Variants in DTNA observed in about 807,000 individuals in gnomAD.
DTNA encodes dystrobrevin alpha, also known as dystrophin-related protein 3.
In DTNA, 43 loss-of-function variants were observed where a neutral mutation model predicts 100.7. The ratio of observed to expected loss-of-function variants is 0.43; its 90% CI spans 0.33 to 0.55. The LOEUF is 0.55. Ranked by LOEUF, DTNA falls within the 20% of genes least tolerant of loss-of-function variation. DTNA has a pLI of 0.04. For synonymous variants in DTNA, 349 were observed against 347.9 expected (o/e 1.00, Z -0.04); for missense variants, 798 against 953.9 (o/e 0.84, Z 2.15).
chr18:34,743,522 A>G (rs1260735375), intron 1 of DTNA, among the ~76,000 whole-genome samples: 1 of 152,186 alleles, frequency 6.6e-6, no homozygotes, highest in Non-Finnish European at 1.5e-5. Flanking sequence ...TAAATTTAAT[A>G]TTTAGCTATG....
intron 1 of DTNA, chr18:34,557,889 G>T (rs1434112094): frequency 6.6e-6 from 1 of 152,586 alleles, no homozygotes; most frequent in Non-Finnish European, 1.5e-5. Flanking sequence ...AGCTGTGGTG[G>T]GCTCCACCCA....
intron 1 of DTNA, among the ~76,000 whole-genome samples, chr18:34,617,828 T>G (rs2055629134): frequency 6.6e-6 from 1 of 152,208 alleles, no homozygotes; most frequent in African/African-American, 2.4e-5. Context: ...AATGTAAACA[T>G]AACTTTTGTG....
At chr18:34,546,510 A>G (rs769048837) in intron 1 of DTNA, among the ~76,000 whole-genome samples, 1 of 152,124 alleles carries the variant, frequency 6.6e-6, no homozygotes, top group Non-Finnish European at 1.5e-5. Context: ...GACTGACTCT[A>G]TGCTAGTAAA....
chr18:34,728,895 A>T (rs2087391614), intron 1 of DTNA, among the ~76,000 whole-genome samples: 1 of 152,190 alleles, frequency 6.6e-6, no homozygotes, highest in South Asian at 2.1e-4. Flanking sequence ...CAAGTAAGTG[A>T]GAAAGCCTGG....
intron 1 of DTNA, among the ~76,000 whole-genome samples, chr18:34,613,266 A>G (rs1378347553): frequency 6.6e-6 from 1 of 152,012 alleles, no homozygotes; most frequent in African/African-American, 2.4e-5. Flanking sequence ...CCATTCCTCC[A>G]TTTCTCTCCC....
At chr18:34,805,310 A>G (rs2095332069) in intron 4 of DTNA, among the ~76,000 whole-genome samples, 1 of 152,170 alleles carries the variant, frequency 6.6e-6, no homozygotes, top group Non-Finnish European at 1.5e-5. Flanking sequence ...GGGTAGAAAG[A>G]AAGTGTTCAA....
chr18:34,505,002 T>C (rs969793123), intron 1 of DTNA, among the ~76,000 whole-genome samples: 3 of 152,200 alleles, frequency 2.0e-5, no homozygotes, highest in African/African-American at 7.2e-5. Context: ...TTGTATTGAT[T>C]TCCTATGGCT....
rs1438751893 is a variant in DTNA, at chr18:34,755,990, G to T, written c.14G>T (p.Ser5Ile). ...TTGTCTCATAGAATGATTGAAGATA[G>T]TGGGAAAAGAGGAAATACCATGGCA... MIED[S>I]GKRGNTMAER... is the part of the protein sequence containing the mutation. The change falls in exon 2 of 23, where the codon AGT becomes ATT. Residue 5 changes from serine to isoleucine, a missense_variant. By Grantham distance (142) the Ser-to-Ile change is moderately radical. Around this residue, in one of 6 missense-constraint regions of DTNA, gnomAD observed 197 missense variants for 215.4 expected, o/e 0.91. Transcript: ENST00000444659. 2 of 1,613,196 alleles carry T rather than the reference G, an allele frequency of 1.2e-6. No homozygotes were observed. The highest frequency in any genetic ancestry group is 2.2e-5 in the East Asian group (1 of 44,798).
At chr18:34,618,178 G>T (rs546605468) in intron 1 of DTNA, among the ~76,000 whole-genome samples, 1 of 151,990 alleles carries the variant, frequency 6.6e-6, no homozygotes, top group Admixed American at 6.6e-5. Context: ...GTCAAGAGTC[G>T]AACTCAATCC....
chr18:34,869,621 TTC>T (rs2096743507), intron 17 of DTNA, among the ~76,000 whole-genome samples: 1 of 152,234 alleles, frequency 6.6e-6, no homozygotes, highest in South Asian at 2.1e-4. Flanking sequence ...GTAACAGATG[TTC>T]TATATGAGTG....
chr18:34,683,739 T>C (rs983041034), intron 1 of DTNA: 2 of 152,200 alleles, frequency 1.3e-5, no homozygotes, highest in Non-Finnish European at 2.9e-5. Context: ...GAATAACTTA[T>C]GTTGCCAGTA....
At chr18:34,763,871 C>A (rs1321328879) in intron 2 of DTNA, among the ~76,000 whole-genome samples, 1 of 152,116 alleles carries the variant, frequency 6.6e-6, no homozygotes, top group Non-Finnish European at 1.5e-5. Context: ...TGGAGTTGAA[C>A]ATCTTTTACC....
intron 1 of DTNA, among the ~76,000 whole-genome samples, chr18:34,672,695 C>T (rs2076917398): frequency 6.6e-6 from 1 of 152,116 alleles, no homozygotes; most frequent in African/African-American, 2.4e-5. Context: ...AGTATTCATG[C>T]TGAATATGTA....
At chr18:34,594,517 A>G (rs1395141782) in intron 1 of DTNA, among the ~76,000 whole-genome samples, 2 of 152,202 alleles carry the variant, frequency 1.3e-5, no homozygotes, top group African/African-American at 4.8e-5. Flanking sequence ...GCACAGATGA[A>G]CAGTTGTTAA....
chr18:34,520,314 T>C (rs954073621), intron 1 of DTNA, among the ~76,000 whole-genome samples: 16 of 152,282 alleles, frequency 1.1e-4, no homozygotes, highest in African/African-American at 3.6e-4. Context: ...TCCTTGAAGA[T>C]TGAGTCACTT....
chr18:34,596,627 AAT>A, intron 1 of DTNA, among the ~76,000 whole-genome samples: 1 of 152,334 alleles, frequency 6.6e-6, no homozygotes. Flanking sequence ...TGTTACCAGA[AAT>A]GGAAATTCAT....
chr18:34,532,084 C>T (rs2043194158), intron 1 of DTNA, among the ~76,000 whole-genome samples: 1 of 152,064 alleles, frequency 6.6e-6, no homozygotes. Flanking sequence ...GTAAAAGCCC[C>T]TTTGGGAACT....
At chr18:34,657,618 G>A (rs1473988215) in intron 1 of DTNA, among the ~76,000 whole-genome samples, 1 of 151,914 alleles carries the variant, frequency 6.6e-6, no homozygotes, top group Non-Finnish European at 1.5e-5. Flanking sequence ...ACTTTAAATG[G>A]ATACACTAAA....
At position 34,875,096 on chromosome 18, in the gene DTNA, T is replaced by C; in HGVS notation, c.1744-143T>C. On this transcript the variant is annotated intron_variant, in intron 17 of 22. Transcript: ENST00000444659. ...ATTATCTGCACCTGCAAATTAGCTT[T>C]AGGATTACCAACACAATTACCTAGG... The C allele has an allele frequency of 3.2e-6, 4 of 1,244,598 alleles. No individual in the cohort carries two copies. The Admixed American group carries it at 7.5e-5, about 23-fold the overall frequency. 77.1% of individuals were successfully genotyped at this position (1,244,598 alleles called of 1,614,324 possible).
Sources: allele counts gnomAD v4.1 joint callset (sites outside exome capture counted in the v4.1 genomes callset), GRCh38; gene constraint gnomAD v4.1.1; regional missense constraint gnomAD v4.1.1; transcripts MANE v1.5; gene names NCBI Gene and HGNC (gene_info 2026-07-23, HGNC 2026-07-21).